PCDHA2: variants seen among roughly 807,000 people sequenced by gnomAD.
PCDHA2 encodes protocadherin alpha-2.
Under a neutral mutation model 66.0 loss-of-function variants are expected in PCDHA2, and 58 were observed. That is an observed-to-expected ratio of 0.88 (90% CI 0.71 to 1.09). The LOEUF (loss-of-function observed/expected upper bound fraction) is 1.09, where lower values mean the gene tolerates loss of function less well. Ranked by LOEUF, PCDHA2 falls within the 50% of genes least tolerant of loss-of-function variation. The probability of loss-of-function intolerance (pLI) is 0.00; values close to 1 mark genes in which losing one functional copy is unlikely to be tolerated. For missense variants in PCDHA2, 1,267 were observed against 1,242.3 expected, an observed-to-expected ratio of 1.02 and a Z score of -0.30; for synonymous variants, 634 against 554.0, an observed-to-expected ratio of 1.14 and a Z score of -2.03.
chr5:140,829,222 C>T (rs147499647), intron 1 of PCDHA2: 53 of 1,614,100 alleles, frequency 3.3e-5, no homozygotes, highest in Non-Finnish European at 4.4e-5. Flanking sequence ...TGAACGACCT[C>T]GATTCAGGTG....
chr5:140,798,247 T>C (rs1315281866), intron 1 of PCDHA2, among the ~76,000 whole-genome samples: 1 of 152,192 alleles, frequency 6.6e-6, no homozygotes, highest in Non-Finnish European at 1.5e-5. Context: ...GCACAGGTTG[T>C]TACAACAAAA....
In PCDHA2 at chr5:140,797,587, A is replaced by G. The variant is rs575966029; in HGVS notation, c.2388+235A>G. Reference sequence around the variant, plus strand: ...TTGGCACTTCCATCATTAAGTCATAAGTAATAGACCATGAAACACTGAAAA... The same window carrying G: ...TTGGCACTTCCATCATTAAGTCATAGGTAATAGACCATGAAACACTGAAAA... On this transcript the variant is annotated intron_variant, in intron 1 of 3. Transcript: ENST00000526136. 6.9e-6 allele frequency: 4 copies of G among 580,924 alleles called. No homozygotes were observed. In the East Asian group the frequency reaches 1.2e-4, roughly 17 times the overall value. The allele number at this position is 580,924 out of a possible 1,614,324, so 36.0% of individuals were successfully genotyped here.
rs186269491 is a variant in PCDHA2, at chr5:140,841,020, C to A, written c.2388+43668C>A. Among the ~76,000 whole-genome samples, 45 of 152,032 alleles carry A rather than the reference C, an allele frequency of 3.0e-4. 2 individuals carry two copies. The highest frequency in any genetic ancestry group is 9.9e-4 in the African/African-American group (41 of 41,434). On this transcript the variant is annotated intron_variant, in intron 1 of 3. Coordinates refer to ENST00000526136, the MANE Select transcript of PCDHA2 (RefSeq NM_018905.3). ...TGTAAGGAGCCAGACAGTATGAATG[C>A]CTCTGCAATTGATAAAGTTAAGGAT...
At chr5:140,822,179 A>G (rs1767221241) in intron 1 of PCDHA2, 1 of 1,614,222 alleles carries the variant, frequency 6.2e-7, no homozygotes, top group Non-Finnish European at 8.5e-7. Flanking sequence ...TTCTCCAGAC[A>G]AGAACAAAGA....
intron 1 of PCDHA2, chr5:140,834,485 G>A (rs2150219471): frequency 1.2e-6 from 2 of 1,614,120 alleles, no homozygotes. Context: ...TCCACTACTC[G>A]GTCCCCGAGG....
At chr5:140,803,336 C>T (rs1554122727) in intron 1 of PCDHA2, 2 of 1,614,180 alleles carry the variant, frequency 1.2e-6, no homozygotes, top group Non-Finnish European at 8.5e-7. Context: ...TGTTGGTGCT[C>T]ACACTGCTGC....
At chr5:140,933,659 C>G (rs552302723) in intron 1 of PCDHA2, among the ~76,000 whole-genome samples, 1 of 152,058 alleles carries the variant, frequency 6.6e-6, no homozygotes, top group East Asian at 1.9e-4. Context: ...TCCTGTCTCT[C>G]TCTCTGTCTC....
At chr5:140,895,143 A>C (rs115893558) in intron 1 of PCDHA2, among the ~76,000 whole-genome samples, 3,577 of 152,272 alleles carry the variant, frequency 0.023, 51 homozygotes, top group Middle Eastern at 0.034. Flanking sequence ...CATAGGGCTA[A>C]GACAGGTTTA....
rs1440009442 is a variant in PCDHA2, at chr5:140,964,448, A to G, written c.2389-14501A>G. Among the ~76,000 whole-genome samples the G allele has an allele frequency of 3.3e-5, 5 of 152,212 alleles. No homozygotes were observed. The South Asian group carries it at 8.3e-4, about 25-fold the overall frequency. On this transcript the variant is annotated intron_variant, in intron 1 of 3. Transcript: ENST00000526136. ...AAAATTACCAAGCCTCTGCCACTGT[A>G]ATCTCTTCCTTAAGTGCCTATGATT...
chr5:140,955,468 T>C (rs1394591179), intron 1 of PCDHA2, among the ~76,000 whole-genome samples: 1 of 152,116 alleles, frequency 6.6e-6, no homozygotes, highest in Non-Finnish European at 1.5e-5. Context: ...TCCTTTTTGC[T>C]TGGCACCTCT....
intron 1 of PCDHA2, among the ~76,000 whole-genome samples, chr5:140,881,802 G>A (rs1239090795): frequency 1.3e-5 from 2 of 152,182 alleles, no homozygotes; most frequent in Admixed American, 6.5e-5. Context: ...CCCAAAACGA[G>A]TGTCGAATAT....
intron 2 of PCDHA2, among the ~76,000 whole-genome samples, chr5:140,979,726 G>A (rs2096861839): frequency 1.3e-5 from 2 of 152,072 alleles, no homozygotes; most frequent in African/African-American, 4.8e-5. Context: ...CATGCCATGG[G>A]GCCAAATAAA....
intron 1 of PCDHA2, chr5:140,808,009 TG>T: frequency 1.2e-6 from 2 of 1,613,914 alleles, no homozygotes; most frequent in Non-Finnish European, 1.7e-6. Flanking sequence ...AAGGATTGAA[TG>T]GGGACATTGT....
At chr5:140,927,694 G>A in intron 1 of PCDHA2, 1 of 1,614,202 alleles carries the variant, frequency 6.2e-7, no homozygotes, top group Non-Finnish European at 8.5e-7. Context: ...CAATGGGGAA[G>A]TCCAGTACTC....
chr5:140,983,218 C>T (rs757778991), intron 3 of PCDHA2, among the ~76,000 whole-genome samples: 10 of 152,128 alleles, frequency 6.6e-5, no homozygotes, highest in Non-Finnish European at 1.5e-4. Flanking sequence ...ATTTCCTAAT[C>T]CAAACTTTCA....
intron 1 of PCDHA2, chr5:140,966,646 G>T (rs2096032297): frequency 4.4e-6 from 5 of 1,139,570 alleles, no homozygotes; most frequent in Non-Finnish European, 4.6e-6. Flanking sequence ...TTTCTAGAGC[G>T]TGAGCGGTGG....
Position 140,847,092 on chromosome 5 carries a change from G to T in PCDHA2, c.2388+49740G>T, listed in dbSNP as rs1176748439. ...ATGACAAGTAGAAAAGTCCACTTTG[G>T]TTAAAACACACAGTCTGCAGAGAAT... On this transcript the variant is annotated intron_variant, in intron 1 of 3. Coordinates refer to ENST00000526136, the MANE Select transcript of PCDHA2 (RefSeq NM_018905.3). 2.7e-5 allele frequency among the ~76,000 whole-genome samples: 4 copies of T among 149,688 alleles called. 1 individual carries two copies. The highest frequency in any genetic ancestry group is 4.9e-5 in the African/African-American group (2 of 40,860).
intron 1 of PCDHA2, among the ~76,000 whole-genome samples, chr5:140,924,894 C>CAAAAAAA (rs782133089): frequency 2.8e-5 from 2 of 71,470 alleles, no homozygotes; most frequent in African/African-American, 8.5e-5. Flanking sequence ...GAACCTGTCT[C>CAAAAAAA]AAAAAAAAAA....
intron 1 of PCDHA2, chr5:140,809,079 T>C (rs1183753194): frequency 2.5e-6 from 4 of 1,613,792 alleles, no homozygotes; most frequent in Non-Finnish European, 2.5e-6. Context: ...ACTGGCGAGA[T>C]CAGCACAACG....
Sources: gnomAD v4.1 joint callset for allele counts (sites outside exome capture counted in the v4.1 genomes callset) on GRCh38, gnomAD v4.1.1 for gene constraint, MANE v1.5 for transcripts, NCBI Gene and HGNC (gene_info 2026-07-23, HGNC 2026-07-21) for gene names.